RALGAPA2: variants seen among roughly 807,000 people sequenced by gnomAD.
RALGAPA2 encodes the protein ral GTPase-activating protein subunit alpha-2.
In RALGAPA2, 139 loss-of-function variants were observed where a neutral mutation model predicts 230.4. The observed-to-expected ratio is 0.60, with a 90% confidence interval of 0.53 to 0.69. The LOEUF is 0.69. Among genes scored for constraint, RALGAPA2 ranks in the 30% least tolerant of loss-of-function variants. The pLI is 0.00. For synonymous variants in RALGAPA2, 847 were observed against 837.8 expected (o/e 1.01, Z -0.19); for missense variants, 2,163 against 2,276.0 (o/e 0.95, Z 1.01).
chr20:20,712,617 C>A lies in RALGAPA2; in HGVS notation c.-137G>T. 1 of 1,192,228 alleles carries A rather than the reference C, an allele frequency of 8.4e-7. No individual in the cohort carries two copies. The highest frequency in any genetic ancestry group is 1.0e-6 in the Non-Finnish European group (1 of 958,244). 73.9% of individuals were successfully genotyped at this position (1,192,228 alleles called of 1,614,324 possible). ...AGCCCCGCTGCTGCCGCCGCCGCCG[C>A]CGCCGCCGCCGCCTCAGCTGTGTCT... is the stretch of plus-strand genomic sequence containing the variant. On this transcript the variant is annotated 5_prime_UTR_variant, in exon 1 of 40. Coordinates refer to ENST00000202677, the MANE Select transcript of RALGAPA2 (RefSeq NM_020343.4). The surrounding 1 kb of genome is among the most constrained non-coding windows in gnomAD (Gnocchi z 5.5).
At chr20:20,553,106 T>TA (rs896541622) in intron 23 of RALGAPA2, among the ~76,000 whole-genome samples, 14 of 152,160 alleles carry the variant, frequency 9.2e-5, no homozygotes, top group African/African-American at 2.9e-4. Context: ...CATTATGTGT[T>TA]AAAATGGTTA....
Position 20,613,941 on chromosome 20 carries a change from T to C in RALGAPA2, c.1688+2102A>G, listed in dbSNP as rs76489728. ...AGTACTTCGGAGTCTCTGAAATTGT[T>C]TTCTAGGTTTTTAATGCCTCTCAGT... is the stretch of plus-strand genomic sequence containing the variant. On this transcript the variant is annotated intron_variant, in intron 13 of 39. Coordinates refer to ENST00000202677, the MANE Select transcript of RALGAPA2 (RefSeq NM_020343.4). Among the ~76,000 whole-genome samples the C allele has an allele frequency of 9.9e-3, 1,505 of 152,280 alleles. 20 individuals are homozygous for C. Among genetic ancestry groups the C allele is most frequent in the African/African-American group, 0.031 (1,289 of 41,538 alleles).
At chr20:20,677,504 A>C (rs1330103975) in intron 2 of RALGAPA2, among the ~76,000 whole-genome samples, 1 of 152,014 alleles carries the variant, frequency 6.6e-6, no homozygotes, top group Non-Finnish European at 1.5e-5. Context: ...ACAGTTGGAG[A>C]AGCTGAGGTT....
rs781693335 is a variant in RALGAPA2, at chr20:20,676,262, G to C, written c.244C>G (p.Leu82Val). 2.4e-5 allele frequency: 37 copies of C among 1,567,246 alleles called. No homozygotes were observed. Among genetic ancestry groups the C allele is most frequent in the East Asian group, 1.8e-4 (8 of 44,378 alleles). ...TCAAAAAGGAAGAGGATGGAGTCCAGCTCCTCCCTTTGTGACTTATTATTC... is the reference window on the plus strand; with the variant it reads ...TCAAAAAGGAAGAGGATGGAGTCCACCTCCTCCCTTTGTGACTTATTATTC... ...KGNNKSQREE[L>V]DSILFLFEKI... The change falls in exon 3 of 40, where the codon CTG becomes GTG. Residue 82 changes from leucine to valine, a missense_variant. Coordinates refer to ENST00000202677, the MANE Select transcript of RALGAPA2 (RefSeq NM_020343.4).
rs112815008 is a variant in RALGAPA2 at position 20,631,589 on chromosome 20, C to T, written c.1006-1999G>A. Among the ~76,000 whole-genome samples the T allele has an allele frequency of 7.0e-3, 1,063 of 152,314 alleles. 10 individuals carry two copies. Among genetic ancestry groups the T allele is most frequent in the African/African-American group, 0.024 (1,007 of 41,570 alleles). ...ATACAGGTGGCTTCTAGAAGCTGGA[C>T]ATGGCAAGAACACAGGATTCTCCCC... On this transcript the variant is annotated intron_variant, in intron 9 of 39. Coordinates refer to ENST00000202677, the MANE Select transcript of RALGAPA2 (RefSeq NM_020343.4).
intron 4 of RALGAPA2, among the ~76,000 whole-genome samples, chr20:20,648,237 AAAG>A (rs1603193239): frequency 6.6e-6 from 1 of 152,206 alleles, no homozygotes; most frequent in East Asian, 1.9e-4. Flanking sequence ...AAAGCCAAAC[AAAG>A]AAGAGTACAT....
At chr20:20,521,201 T>G in intron 30 of RALGAPA2, 101 bp from the exon 31 acceptor site, 3 of 931,390 alleles carry the variant, frequency 3.2e-6, no homozygotes, top group African/African-American at 1.7e-5. Context: ...GACTCCTGCT[T>G]GGTCCTAGCT....
chr20:20,446,920 T>C (rs1482950103), intron 37 of RALGAPA2, among the ~76,000 whole-genome samples: 1 of 152,212 alleles, frequency 6.6e-6, no homozygotes, highest in East Asian at 1.9e-4. Context: ...CAGGCTGCCA[T>C]AGTTCTGCTA....
At chr20:20,501,575 C>T (rs1449053812) in intron 35 of RALGAPA2, among the ~76,000 whole-genome samples, 2 of 152,224 alleles carry the variant, frequency 1.3e-5, no homozygotes, top group African/African-American at 4.8e-5. Context: ...TTCAGACCAC[C>T]AAAACTTTCT....
At chr20:20,703,661 CAG>C (rs1366292517) in intron 1 of RALGAPA2, among the ~76,000 whole-genome samples, 5 of 152,152 alleles carry the variant, frequency 3.3e-5, no homozygotes, top group Admixed American at 1.3e-4. Flanking sequence ...GAGATATCAA[CAG>C]AGTTACATTT....
chr20:20,472,536 G>C (rs771609570), intron 37 of RALGAPA2: 12 of 202,208 alleles, frequency 5.9e-5, no homozygotes, highest in Middle Eastern at 4.3e-3. Flanking sequence ...ACTGAACGTG[G>C]GGCAAAATAC....
intron 8 of RALGAPA2, among the ~76,000 whole-genome samples, chr20:20,636,717 T>G (rs1405341753): frequency 6.6e-6 from 1 of 152,206 alleles, no homozygotes; most frequent in Non-Finnish European, 1.5e-5. Context: ...TTTTACCTGT[T>G]TTAAATAATA....
chr20:20,594,625 C>G (rs191851222), intron 16 of RALGAPA2, among the ~76,000 whole-genome samples: 1 of 152,200 alleles, frequency 6.6e-6, no homozygotes, highest in African/African-American at 2.4e-5. Flanking sequence ...AATGTACTCT[C>G]TCTAAAGCCT....
intron 1 of RALGAPA2, among the ~76,000 whole-genome samples, chr20:20,691,838 T>C (rs763805772): frequency 3.3e-5 from 5 of 152,210 alleles, no homozygotes; most frequent in South Asian, 2.1e-4. Flanking sequence ...AAATCTCTTG[T>C]TGAAATCTGA....
Position 20,670,141 on chromosome 20 carries a change from G to C in RALGAPA2, c.270+6095C>G, listed in dbSNP as rs2068085241. On this transcript the variant is annotated intron_variant, in intron 3 of 39. Coordinates refer to ENST00000202677, the MANE Select transcript of RALGAPA2 (RefSeq NM_020343.4). ...TACTCCATGAGGACGGGAGGCTCTG[G>C]CTACCTTGCTCATTGTTGTATCTCC... Among the ~76,000 whole-genome samples, 11 of 152,330 alleles carry C rather than the reference G, an allele frequency of 7.2e-5. No homozygotes were observed. The South Asian group carries it at 2.3e-3, about 32-fold the overall frequency.
At chr20:20,645,017 T>C (rs142937223) in intron 4 of RALGAPA2, among the ~76,000 whole-genome samples, 18 of 152,282 alleles carry the variant, frequency 1.2e-4, no homozygotes, top group African/African-American at 4.3e-4. Context: ...TTGGAAATAC[T>C]TTCTCCTGGT....
chr20:20,671,032 G>C (rs377537400), intron 3 of RALGAPA2, among the ~76,000 whole-genome samples: 1 of 151,900 alleles, frequency 6.6e-6, no homozygotes, highest in Non-Finnish European at 1.5e-5. Context: ...TGAAGCTACA[G>C]GCAAAGGCAG....
At chr20:20,394,084 G>A (rs1342757893) in intron 39 of RALGAPA2, among the ~76,000 whole-genome samples, 4 of 152,168 alleles carry the variant, frequency 2.6e-5, no homozygotes, top group African/African-American at 4.8e-5. Context: ...TCCTCCCTGC[G>A]TGATTCACTT....
intron 37 of RALGAPA2, among the ~76,000 whole-genome samples, chr20:20,436,928 T>C (rs2060628676): frequency 6.6e-6 from 1 of 152,142 alleles, no homozygotes; most frequent in African/African-American, 2.4e-5. Context: ...GCCTGTGCAT[T>C]GGCCATCATG....
Sources: allele counts gnomAD v4.1 joint callset (sites outside exome capture counted in the v4.1 genomes callset), GRCh38; gene constraint gnomAD v4.1.1; non-coding constraint Gnocchi (gnomAD v3.1); transcripts MANE v1.5; gene names NCBI Gene and HGNC (gene_info 2026-07-23, HGNC 2026-07-21).